The following PTBP2 variants were observed in gnomAD, a reference collection of about 807,000 sequenced individuals.
PTBP2 encodes the protein polypyrimidine tract-binding protein 2.
PTBP2 carries 13 observed loss-of-function variants against 61.4 expected under a neutral mutation model. The observed-to-expected ratio is 0.21, with a 90% CI of 0.14 to 0.34. PTBP2 has a LOEUF of 0.34. Among genes scored for constraint, PTBP2 ranks in the 10% least tolerant of loss-of-function variants. The pLI is 1.00. For synonymous variants in PTBP2, 215 were observed against 218.5 expected, an observed-to-expected ratio of 0.98 and a Z score of 0.14; for missense variants, 405 against 642.6, an observed-to-expected ratio of 0.63 and a Z score of 4.00.
rs1353257066 is a variant in PTBP2 at position 96,814,699 on chromosome 1, G to A, written c.*1294G>A. 1 of 152,508 alleles carries A rather than the reference G, an allele frequency of 6.6e-6. No individual in the cohort carries two copies. The highest frequency in any genetic ancestry group is 1.5e-5 in the Non-Finnish European group (1 of 67,960). The allele number at this position is 152,508 out of a possible 1,614,324, so 9.4% of individuals were successfully genotyped here. On this transcript the variant is annotated 3_prime_UTR_variant, in exon 14 of 14. Coordinates refer to ENST00000674951, the MANE Select transcript of PTBP2 (RefSeq NM_021190.4). ...TTATCTATGTAGACAGAATGGTCATGTATATTTTCTATTAGTTGAGTTTTT... is the reference window on the plus strand; with the variant it reads ...TTATCTATGTAGACAGAATGGTCATATATATTTTCTATTAGTTGAGTTTTT...
At chr1:96,779,781 C>T (rs548763819) in intron 7 of PTBP2, among the ~76,000 whole-genome samples, 1 of 152,026 alleles carries the variant, frequency 6.6e-6, no homozygotes. Context: ...AATCTAGACC[C>T]TTTGGTAAAA....
At chr1:96,775,358 AT>A (rs1657914301) in intron 5 of PTBP2, among the ~76,000 whole-genome samples, 1 of 152,242 alleles carries the variant, frequency 6.6e-6, no homozygotes. Flanking sequence ...GGAACACTGT[AT>A]GTAATAGCCC....
At chr1:96,818,327 C>T (rs1259607006), downstream of PTBP2, 2 of 152,052 alleles carry the variant, frequency 1.3e-5, no homozygotes, top group African/African-American at 4.8e-5. Flanking sequence ...CCCTTGTCAG[C>T]TTCAGTTAGC....
intron 2 of PTBP2, among the ~76,000 whole-genome samples, chr1:96,728,828 T>G (rs1249161113): frequency 6.6e-6 from 1 of 152,014 alleles, no homozygotes; most frequent in East Asian, 1.9e-4. Context: ...TTTTTTTTTT[T>G]TTTCAGTGCA....
chr1:96,734,354 A>G (rs1651856606), intron 2 of PTBP2, among the ~76,000 whole-genome samples: 1 of 152,188 alleles, frequency 6.6e-6, no homozygotes. Flanking sequence ...TTTTTAAAAT[A>G]TAATCAAAAG....
intron 2 of PTBP2, among the ~76,000 whole-genome samples, chr1:96,749,241 G>A (rs924762997): frequency 1.6e-4 from 24 of 152,060 alleles, no homozygotes; most frequent in Admixed American, 1.1e-3. Context: ...CCCACCTATC[G>A]TCTTCCAAAG....
chr1:96,809,217 A>G (rs754093720), intron 11 of PTBP2, among the ~76,000 whole-genome samples: 1 of 152,184 alleles, frequency 6.6e-6, no homozygotes, highest in Non-Finnish European at 1.5e-5. Flanking sequence ...TTACATGTCA[A>G]ACTGACCAAA....
At chr1:96,729,599 T>A (rs1300603033) in intron 2 of PTBP2, among the ~76,000 whole-genome samples, 2 of 152,202 alleles carry the variant, frequency 1.3e-5, no homozygotes, top group Admixed American at 1.3e-4. Context: ...TTCAACTTAT[T>A]TAATAGATAT....
Position 96,729,779 on chromosome 1 carries a change from C to T in PTBP2, c.39+6185C>T, listed in dbSNP as rs183060718. Among the ~76,000 whole-genome samples, 297 of 147,462 alleles carry T rather than the reference C, an allele frequency of 2.0e-3. 1 individual carries two copies. Among genetic ancestry groups the T allele is most frequent in the African/African-American group, 7.0e-3 (278 of 39,774 alleles). On this transcript the variant is annotated intron_variant, in intron 2 of 13. Coordinates refer to ENST00000674951, the MANE Select transcript of PTBP2 (RefSeq NM_021190.4). Reference sequence around the variant, plus strand: ...TGAGACGGAGCCTTGCTCTGTCGCCCGGGCTGGAGTGCAGTGGCACCATCT... The same window carrying T: ...TGAGACGGAGCCTTGCTCTGTCGCCTGGGCTGGAGTGCAGTGGCACCATCT...
intron 7 of PTBP2, 100 bp from the exon 8 acceptor site, chr1:96,784,959 A>AGTTCGAGTTTTT: frequency 3.1e-6 from 3 of 982,288 alleles, no homozygotes. Flanking sequence ...GTAGCTTTTA[A>AGTTCGAGTTTTT]GTTCGAGTTT....
chr1:96,791,038 A>C (rs555351769), intron 8 of PTBP2, among the ~76,000 whole-genome samples: 1 of 150,824 alleles, frequency 6.6e-6, no homozygotes, highest in African/African-American at 2.4e-5. Context: ...CCATCCAGGT[A>C]TGCATGTTAT....
chr1:96,724,039 C>T (rs1284615327), intron 2 of PTBP2, among the ~76,000 whole-genome samples: 1 of 152,038 alleles, frequency 6.6e-6, no homozygotes, highest in African/African-American at 2.4e-5. Context: ...TACACTGATC[C>T]TTAAAAAGGA....
At chr1:96,786,251 T>C (rs1659189538) in intron 8 of PTBP2, among the ~76,000 whole-genome samples, 1 of 152,322 alleles carries the variant, frequency 6.6e-6, no homozygotes, top group Non-Finnish European at 1.5e-5. Context: ...TAGAGAGAGA[T>C]ACTCTAAGGC....
intron 8 of PTBP2, among the ~76,000 whole-genome samples, chr1:96,791,960 A>G (rs1204141761): frequency 6.6e-6 from 1 of 150,704 alleles, no homozygotes; most frequent in Admixed American, 6.6e-5. Context: ...CAGCCTCCCA[A>G]GTAGCTGGGA....
At chr1:96,737,105 G>A (rs947851538) in intron 2 of PTBP2, among the ~76,000 whole-genome samples, 29 of 151,098 alleles carry the variant, frequency 1.9e-4, no homozygotes, top group Non-Finnish European at 3.7e-4. Flanking sequence ...TCAGCCTCCC[G>A]AGTAGCTGGG....
At chr1:96,722,495 T>A in intron 1 of PTBP2, among the ~76,000 whole-genome samples, 1 of 151,944 alleles carries the variant, frequency 6.6e-6, no homozygotes, top group Non-Finnish European at 1.5e-5. Flanking sequence ...GTCATACTCC[T>A]TTGTTTTCAT....
Position 96,823,687 on chromosome 1 carries a change from T to C in PTBP2, c.*10282T>C, listed in dbSNP as rs1413964769. ...ACTACCTATGTCTCTCCACCTGCTA[T>C]CTACTTCCAATTTTTTATATATATA... On this transcript the variant is annotated 3_prime_UTR_variant, in exon 14 of 14. Coordinates refer to the PTBP2 transcript ENST00000609116. The C allele has an allele frequency of 2.0e-5, 3 of 152,166 alleles. No individual in the cohort carries two copies. In the East Asian group the frequency reaches 5.8e-4, roughly 29 times the overall value. 9.4% of individuals were successfully genotyped at this position (152,166 alleles called of 1,614,324 possible).
chr1:96,756,225 C>A (rs563966508), intron 3 of PTBP2, among the ~76,000 whole-genome samples: 44 of 152,276 alleles, frequency 2.9e-4, no homozygotes, highest in African/African-American at 9.9e-4. Context: ...ATGGAGAAAC[C>A]CGATCTCTAC....
At chr1:96,750,336 A>G (rs1341830753) in intron 2 of PTBP2, among the ~76,000 whole-genome samples, 1 of 151,902 alleles carries the variant, frequency 6.6e-6, no homozygotes, top group Non-Finnish European at 1.5e-5. Flanking sequence ...TGGTTAAGAA[A>G]TTAGGCTTGG....
Sources: allele counts gnomAD v4.1 joint callset (sites outside exome capture counted in the v4.1 genomes callset), GRCh38; gene constraint gnomAD v4.1.1; transcripts MANE v1.5; gene names NCBI Gene and HGNC (gene_info 2026-07-23, HGNC 2026-07-21).